The following CACNA2D3 variants were observed in gnomAD, a reference collection of about 807,000 sequenced individuals.
The protein encoded by CACNA2D3 is voltage-dependent calcium channel subunit alpha-2/delta-3.
In CACNA2D3, 60 loss-of-function variants were observed where a neutral mutation model predicts 160.6. That is an observed-to-expected ratio of 0.37 (90% CI 0.30 to 0.46). CACNA2D3 has a LOEUF of 0.46. CACNA2D3 is among the 20% of genes least tolerant of loss of function. The pLI is 1.00. For missense variants in CACNA2D3, 1,205 were observed against 1,365.0 expected (o/e 0.88, Z 1.85); for synonymous variants, 558 against 492.9 (o/e 1.13, Z -1.75).
chr3:55,029,038 A>G (rs980735989), intron 35 of CACNA2D3, among the ~76,000 whole-genome samples: 2 of 152,180 alleles, frequency 1.3e-5, no homozygotes, highest in African/African-American at 2.4e-5. Flanking sequence ...TTTCCAACGA[A>G]CAACTCCAAT....
chr3:54,466,035 C>A (rs1038446969), intron 4 of CACNA2D3, among the ~76,000 whole-genome samples: 1 of 152,196 alleles, frequency 6.6e-6, no homozygotes, highest in African/African-American at 2.4e-5. Context: ...AAACCACCAA[C>A]CGTGTGTTGA....
At chr3:55,057,171 C>A (rs139707129) in intron 35 of CACNA2D3, among the ~76,000 whole-genome samples, 1 of 152,118 alleles carries the variant, frequency 6.6e-6, no homozygotes, top group African/African-American at 2.4e-5. Flanking sequence ...GCTCTTCCTT[C>A]GTCTTCTGCC....
chr3:54,930,677 A>T (rs566247127), intron 27 of CACNA2D3, among the ~76,000 whole-genome samples: 1 of 152,338 alleles, frequency 6.6e-6, no homozygotes, highest in Admixed American at 6.5e-5. Context: ...TCCTGGGAAA[A>T]TCCCAGGCTC....
intron 27 of CACNA2D3, among the ~76,000 whole-genome samples, chr3:54,914,770 C>T (rs1029820506): frequency 1.3e-5 from 2 of 152,106 alleles, no homozygotes; most frequent in Admixed American, 1.3e-4. Flanking sequence ...GATCATAGCC[C>T]AGCAATGCCA....
chr3:54,481,827 ATCTT>A (rs2106901108), intron 4 of CACNA2D3, among the ~76,000 whole-genome samples: 1 of 152,334 alleles, frequency 6.6e-6, no homozygotes, highest in South Asian at 2.1e-4. Flanking sequence ...ATATAAATGA[ATCTT>A]TATGGGTGCA....
chr3:55,011,152 C>T (rs982995529), intron 34 of CACNA2D3, among the ~76,000 whole-genome samples: 12 of 152,218 alleles, frequency 7.9e-5, no homozygotes, highest in East Asian at 5.8e-4. Context: ...TGCTGATGCC[C>T]GCATAGTTTG....
At chr3:55,005,588 TC>T (rs1227955239) in intron 32 of CACNA2D3, among the ~76,000 whole-genome samples, 1 of 152,174 alleles carries the variant, frequency 6.6e-6, no homozygotes, top group Non-Finnish European at 1.5e-5. Context: ...AGCATCGTTT[TC>T]CCTGGAGCTG....
At chr3:54,806,030 T>G (rs76557743) in intron 13 of CACNA2D3, among the ~76,000 whole-genome samples, 30,577 of 152,140 alleles carry the variant, frequency 0.2, 3,956 homozygotes, top group Non-Finnish European at 0.3. Context: ...TCTCAATAAA[T>G]TAGGTATTGA....
At chr3:54,879,294 T>C (rs1699736726) in intron 19 of CACNA2D3, 56 bp from the exon 20 acceptor site, 2 of 1,345,010 alleles carry the variant, frequency 1.5e-6, no homozygotes, top group African/African-American at 1.5e-5. Context: ...AGACGTCACT[T>C]AGCAGACTAA....
intron 34 of CACNA2D3, among the ~76,000 whole-genome samples, chr3:55,010,705 C>A (rs996658367): frequency 6.6e-6 from 1 of 152,204 alleles, no homozygotes; most frequent in Non-Finnish European, 1.5e-5. Flanking sequence ...GCCCCAGGTG[C>A]TGGATCTATT....
chr3:54,739,882 A>G (rs1352314039), intron 11 of CACNA2D3, among the ~76,000 whole-genome samples: 1 of 151,946 alleles, frequency 6.6e-6, no homozygotes, highest in African/African-American at 2.4e-5. Flanking sequence ...TTTTCTTCAT[A>G]TTCCTTTGCC....
chr3:54,597,385 C>T (rs1007989181), intron 9 of CACNA2D3, among the ~76,000 whole-genome samples: 1 of 152,136 alleles, frequency 6.6e-6, no homozygotes, highest in East Asian at 1.9e-4. Context: ...GCATTTCTTT[C>T]TTTCTTTTTT....
At chr3:54,541,669 A>G (rs1242645800) in intron 5 of CACNA2D3, among the ~76,000 whole-genome samples, 1 of 152,168 alleles carries the variant, frequency 6.6e-6, no homozygotes, top group Non-Finnish European at 1.5e-5. Context: ...TTCTCAAGTT[A>G]CCGTCACGTG....
chr3:54,840,588 T>TTAC (rs1363506411), intron 16 of CACNA2D3, among the ~76,000 whole-genome samples: 1 of 151,344 alleles, frequency 6.6e-6, no homozygotes, highest in Non-Finnish European at 1.5e-5. Context: ...TTTTTGTCCT[T>TTAC]TTAGTAGAGA....
chr3:54,199,866 A>C (rs1014809843), intron 2 of CACNA2D3, among the ~76,000 whole-genome samples: 1 of 152,248 alleles, frequency 6.6e-6, no homozygotes, highest in Admixed American at 6.5e-5. Context: ...TGATAAATAC[A>C]ATATTTGCAG....
chr3:54,129,125 C>T (rs1040517755), intron 2 of CACNA2D3, among the ~76,000 whole-genome samples: 1 of 151,746 alleles, frequency 6.6e-6, no homozygotes, highest in African/African-American at 2.4e-5. Context: ...ATTTAGTGAC[C>T]AACAGACTCT....
chr3:54,683,037 TAAAC>T lies in CACNA2D3; in HGVS notation c.1167+40801_1167+40804del, dbSNP rs1046232258. Among the ~76,000 whole-genome samples, 42 of 152,180 alleles carry T rather than the reference TAAAC, an allele frequency of 2.8e-4. 4 individuals are homozygous for T. Among genetic ancestry groups the T allele is most frequent in the Admixed American group, 1.9e-3 (29 of 15,276 alleles). ...AAAAGCAACTAGATAAAGATTCTCA[TAAAC>T]AAACCAATATAGATTGTATCCTCTT... is the stretch of plus-strand genomic sequence containing the variant. On this transcript the variant is annotated intron_variant, in intron 11 of 37. Transcript: ENST00000474759.
intron 17 of CACNA2D3, among the ~76,000 whole-genome samples, chr3:54,868,066 T>C (rs1699442728): frequency 6.6e-6 from 1 of 152,226 alleles, no homozygotes; most frequent in Non-Finnish European, 1.5e-5. Flanking sequence ...AGTGCCACTC[T>C]CTGGCCTTTT....
chr3:54,333,866 A>G (rs11130416), intron 3 of CACNA2D3, among the ~76,000 whole-genome samples: 101,103 of 152,162 alleles, frequency 0.66, 34,106 homozygotes, highest in Non-Finnish European at 0.74. Context: ...TTAGTTCTCC[A>G]AGCTTGTGTC....
Sources: gnomAD v4.1 joint callset for allele counts (sites outside exome capture counted in the v4.1 genomes callset) on GRCh38, gnomAD v4.1.1 for gene constraint, MANE v1.5 for transcripts, NCBI Gene and HGNC (gene_info 2026-07-23, HGNC 2026-07-21) for gene names.